Variants in LHX9 observed in about 807,000 individuals in gnomAD.
LHX9 encodes LIM/homeobox protein Lhx9.
LHX9 carries 9 observed loss-of-function variants against 36.5 expected under a neutral mutation model. The ratio of observed to expected loss-of-function variants is 0.25; its 90% confidence interval spans 0.15 to 0.43. The LOEUF (loss-of-function observed/expected upper bound fraction) is 0.43, where lower values mean the gene tolerates loss of function less well. Among genes scored for constraint, LHX9 ranks in the 20% least tolerant of loss-of-function variants. LHX9 has a pLI of 1.00. For synonymous variants in LHX9, 211 were observed against 212.1 expected, an observed-to-expected ratio of 0.99 and a Z score of 0.04; for missense variants, 464 against 526.4, an observed-to-expected ratio of 0.88 and a Z score of 1.16.
intron 1 of LHX9, among the ~76,000 whole-genome samples, chr1:197,918,929 T>TTTTGGGTC (rs1326141653): frequency 2.0e-5 from 3 of 151,528 alleles, no homozygotes; most frequent in African/African-American, 4.8e-5. Context: ...ATCAGCTGGG[T>TTTTGGGTC]TTTGGGTCCG....
upstream of LHX9, chr1:197,915,884 C>T (rs79476113): frequency 0.036 from 5,424 of 152,278 alleles, 141 homozygotes; most frequent in South Asian, 0.1. Flanking sequence ...CTCTCCCTCT[C>T]TCCCTGGCTT....
At chr1:197,914,045 G>C (rs1659684472), upstream of LHX9, among the ~76,000 whole-genome samples, 1 of 152,164 alleles carries the variant, frequency 6.6e-6, no homozygotes, top group Non-Finnish European at 1.5e-5. Context: ...GACCTTCATA[G>C]AGATTCTAAG....
chr1:197,913,565 G>T (rs1484699812), upstream of LHX9, among the ~76,000 whole-genome samples: 1 of 152,154 alleles, frequency 6.6e-6, no homozygotes. Context: ...AGGCCCCAGC[G>T]TGTCCCGGCA....
chr1:197,916,991 C>T (rs1272038007), upstream of LHX9, among the ~76,000 whole-genome samples: 1 of 152,166 alleles, frequency 6.6e-6, no homozygotes, highest in African/African-American at 2.4e-5. Flanking sequence ...ATCTTGAACT[C>T]GGATCAAATA....
rs532836436 is a variant in LHX9, at chr1:197,931,891, A to G, written c.*2632A>G. 6.5e-7 allele frequency: 1 copy of G among 1,533,672 alleles called. No individual in the cohort carries two copies. The highest frequency in any genetic ancestry group is 1.4e-5 in the African/African-American group (1 of 72,794). ...CTAAAAGCCAAGTTGCTCTGTAGTT[A>G]ATAAATTGTCACTATGATTTTTTTC... On this transcript the variant is annotated 3_prime_UTR_variant, in exon 5 of 5. Transcript: ENST00000367387.
In LHX9 at chr1:197,932,083, AAAG is replaced by A. The variant is rs1044883090; in HGVS notation, c.*2826_*2828del. Reference sequence around the variant, plus strand: ...TTAAAAAATTTATTAAGCCAAAAAAAAAGAGAGAGAGAGAGACTTAAATGTCAT... The same window carrying A: ...TTAAAAAATTTATTAAGCCAAAAAAAAGAGAGAGAGAGACTTAAATGTCAT... On this transcript the variant is annotated 3_prime_UTR_variant, in exon 5 of 5. Transcript: ENST00000367387. 14 of 736,164 alleles carry A rather than the reference AAAG, an allele frequency of 1.9e-5. No homozygotes were observed. The highest frequency in any genetic ancestry group is 2.9e-4 in the Middle Eastern group (1 of 3,452). The allele number at this position is 736,164 out of a possible 1,614,324, so 45.6% of individuals were successfully genotyped here. A position where few individuals can be genotyped will look rare whatever the true frequency, so the allele number is the denominator to read the frequency against.
intron 1 of LHX9, 86 bp from the exon 2 acceptor site, chr1:197,919,886 T>G (rs1257807827): frequency 1.4e-6 from 2 of 1,410,810 alleles, no homozygotes; most frequent in South Asian, 1.3e-5. Flanking sequence ...CTGCACACCC[T>G]GGGCTTGGTC....
rs1051729067 is a variant in LHX9, at chr1:197,932,468, G to T, written c.*3209G>T. The T allele has an allele frequency of 6.6e-6, 1 of 152,416 alleles. No homozygotes were observed. The highest frequency in any genetic ancestry group is 1.5e-5 in the Non-Finnish European group (1 of 68,172). The allele number at this position is 152,416 out of a possible 1,614,324, so 9.4% of individuals were successfully genotyped here. A position where few individuals can be genotyped will look rare whatever the true frequency, so the allele number is the denominator to read the frequency against. The stretch of plus-strand genomic sequence containing the variant: ...TTGTTTATCACTTCCTTTTTAAACA[G>T]AAATCTCTGCATGCACTTTTACATA... On this transcript the variant is annotated 3_prime_UTR_variant, in exon 5 of 5. Transcript: ENST00000367387.
At chr1:197,916,448 C>G, upstream of LHX9, 1 of 559,944 alleles carries the variant, frequency 1.8e-6, no homozygotes, top group Non-Finnish European at 3.2e-6. Flanking sequence ...CCCAGTCCTG[C>G]GGGGGCAGGC....
upstream of LHX9, among the ~76,000 whole-genome samples, chr1:197,914,668 C>T (rs1392098): frequency 5.7e-4 from 87 of 152,204 alleles, 1 homozygote; most frequent in South Asian, 0.015. Flanking sequence ...CAGGGCTGGA[C>T]CCATGGGGAC....
chr1:197,933,955 C>A lies in LHX9; in HGVS notation c.*4696C>A, dbSNP rs1660392021. On this transcript the variant is annotated 3_prime_UTR_variant, in exon 5 of 5. Coordinates refer to ENST00000367387, the MANE Select transcript of LHX9 (RefSeq NM_020204.3). ...GCAGGACACTAAATTTTCATAGCTT[C>A]TACCTCCCAGTTGCCTGGGTTAGTC... is the stretch of plus-strand genomic sequence containing the variant. The A allele has an allele frequency of 6.6e-6, 1 of 152,194 alleles. No individual in the cohort carries two copies. Among genetic ancestry groups the A allele is most frequent in the Non-Finnish European group, 1.5e-5 (1 of 68,040 alleles). The allele number at this position is 152,194 out of a possible 1,614,324, so 9.4% of individuals were successfully genotyped here. A position where few individuals can be genotyped will look rare whatever the true frequency, so the allele number is the denominator to read the frequency against.
rs1557978539 is a variant in LHX9 at position 197,930,456 on chromosome 1, T to G, written c.*1197T>G. On this transcript the variant is annotated 3_prime_UTR_variant, in exon 5 of 5. Transcript: ENST00000367387. ...AAAATCTTAATGGTCTGGGCAGTGG[T>G]GAATGTTCATCTATTACGCTTCTGT... is the stretch of plus-strand genomic sequence containing the variant. The G allele has an allele frequency of 6.6e-6, 1 of 152,012 alleles. No homozygotes were observed. Among genetic ancestry groups the G allele is most frequent in the Non-Finnish European group, 1.5e-5 (1 of 67,890 alleles). The allele number at this position is 152,012 out of a possible 1,614,324, so 9.4% of individuals were successfully genotyped here.
chr1:197,922,144 T>A (rs1229321814), intron 3 of LHX9, among the ~76,000 whole-genome samples: 1 of 152,098 alleles, frequency 6.6e-6, no homozygotes, highest in East Asian at 1.9e-4. Context: ...AGGAACACAG[T>A]TGGCAAGAGT....
upstream of LHX9, chr1:197,917,181 C>A: frequency 1.0e-6 from 1 of 973,708 alleles, no homozygotes; most frequent in Non-Finnish European, 1.2e-6. Flanking sequence ...CCTCCCCGCT[C>A]TCTATCCCCC....
Position 197,930,899 on chromosome 1 carries a change from T to C in LHX9, c.*1640T>C, listed in dbSNP as rs1660311661. On this transcript the variant is annotated 3_prime_UTR_variant, in exon 5 of 5. Transcript: ENST00000367387. The stretch of plus-strand genomic sequence containing the variant: ...TAAATCTTGACTTTTCATACTTCTA[T>C]TACATTTTGGGCATTTACCACTAAC... The C allele has an allele frequency of 6.6e-6, 1 of 152,014 alleles. No individual in the cohort carries two copies. Among genetic ancestry groups the C allele is most frequent in the African/African-American group, 2.4e-5 (1 of 41,450 alleles). The allele number at this position is 152,014 out of a possible 1,614,324, so 9.4% of individuals were successfully genotyped here.
At chr1:197,927,424 C>T (rs558689629) in intron 3 of LHX9, among the ~76,000 whole-genome samples, 167 bp from the exon 4 acceptor site, 1 of 152,288 alleles carries the variant, frequency 6.6e-6, no homozygotes, top group African/African-American at 2.4e-5. Context: ...GTTCAGCTTA[C>T]TTTAGCAATT....
Position 197,929,813 on chromosome 1 carries a change from T to C in LHX9, c.*554T>C, listed in dbSNP as rs1049369096. The C allele has an allele frequency of 2.7e-5, 25 of 941,642 alleles. No individual in the cohort carries two copies. The Admixed American group carries it at 1.4e-3, about 53-fold the overall frequency. 58.3% of individuals were successfully genotyped at this position (941,642 alleles called of 1,614,324 possible). On this transcript the variant is annotated 3_prime_UTR_variant, in exon 5 of 5. Coordinates refer to ENST00000367387, the MANE Select transcript of LHX9 (RefSeq NM_020204.3). ...GAACTGTTAATTCAAGTGAGGAATA[T>C]GATGAAATAAAAGCATTAACTACAG...
rs1385758370 is a variant in LHX9 at position 197,935,468 on chromosome 1, T to A, written c.*6209T>A. The A allele has an allele frequency of 5.9e-5, 9 of 152,214 alleles. No individual in the cohort carries two copies. The highest frequency in any genetic ancestry group is 3.3e-4 in the Admixed American group (5 of 15,284). 9.4% of individuals were successfully genotyped at this position (152,214 alleles called of 1,614,324 possible). On this transcript the variant is annotated 3_prime_UTR_variant, in exon 5 of 5. Coordinates refer to ENST00000367387, the MANE Select transcript of LHX9 (RefSeq NM_020204.3). Reference sequence around the variant, plus strand: ...ATGGTTATTTGAAAATAAAATTTGCTACAAATAAGATGCTTCAGTCTCTGT... The same window carrying A: ...ATGGTTATTTGAAAATAAAATTTGCAACAAATAAGATGCTTCAGTCTCTGT...
chr1:197,918,018 G>T (rs1414548529), intron 1 of LHX9, 21 bp downstream of exon 1: 1 of 1,603,086 alleles, frequency 6.2e-7, no homozygotes, highest in African/African-American at 1.4e-5. Flanking sequence ...GCTCCGCCGC[G>T]GCGGTAGCCG....
Sources: allele counts gnomAD v4.1 joint callset (sites outside exome capture counted in the v4.1 genomes callset), GRCh38; gene constraint gnomAD v4.1.1; transcripts MANE v1.5; gene names NCBI Gene and HGNC (gene_info 2026-07-23, HGNC 2026-07-21).